KMT2C: variants seen among roughly 807,000 people sequenced by gnomAD.
The protein encoded by KMT2C is lysine methyltransferase 2C.
KMT2C carries 88 observed loss-of-function variants against 507.9 expected under a neutral mutation model. The observed-to-expected ratio is 0.17, with a 90% CI of 0.15 to 0.21. KMT2C has a LOEUF of 0.21. Among genes scored for constraint, KMT2C ranks in the 10% least tolerant of loss-of-function variants. KMT2C has a pLI of 1.00. For synonymous variants in KMT2C, 2,049 were observed against 2,080.8 expected, an observed-to-expected ratio of 0.98 and a Z score of 0.42; for missense variants, 4,954 against 5,957.8, an observed-to-expected ratio of 0.83 and a Z score of 5.55.
Position 152,176,411 on chromosome 7 carries a change from C to A in KMT2C, c.9042G>T (p.Gly3014=), listed in dbSNP as rs747377432. ...TGGTACCAGACTGACTTGTTTGAGG[C>A]CCAGTTTGAGTTGCAGGTTTTCCTG... ...LGTGKPATQT[G]PQTSQSGTSS... Residue 3014 remains glycine (G), a synonymous_variant, in exon 38 of 59, where the codon GGG becomes GGT. Transcript: ENST00000262189. 13 of 1,614,000 alleles carry A rather than the reference C, an allele frequency of 8.1e-6. No homozygotes were observed. The highest frequency in any genetic ancestry group is 1.3e-5 in the African/African-American group (1 of 74,890).
rs369032997 is a variant in KMT2C, at chr7:152,218,826, C to T, written c.3712+1697G>A. 6.1e-4 allele frequency among the ~76,000 whole-genome samples: 93 copies of T among 152,352 alleles called. No individual in the cohort carries two copies. The East Asian group carries it at 0.013, about 21-fold the overall frequency. On this transcript the variant is annotated intron_variant, in intron 23 of 58. Transcript: ENST00000262189. ...CAAACATGCTCAGCACACTCTCACC[C>T]AGAGCCTTTACATCGGCTTCCTCAC...
intron 6 of KMT2C, among the ~76,000 whole-genome samples, chr7:152,293,024 G>A (rs539635808): frequency 1.3e-5 from 2 of 152,214 alleles, no homozygotes; most frequent in East Asian, 3.9e-4. Flanking sequence ...AAGTATCTCT[G>A]CCATAGGAAG....
rs2129118075 is a variant in KMT2C at position 152,179,940 on chromosome 7, G to C, written c.7336C>G (p.Pro2446Ala). Residue 2446 changes from proline to alanine, a missense_variant, in exon 37 of 59, where the codon CCT becomes GCT. This residue lies in a region of KMT2C where 1,689 missense variants were observed against 1,654.3 expected (regional missense o/e 1.02). Transcript: ENST00000262189. ...CTAGGTCCTAAAGGAGGGGCAACAG[G>C]AGACCTAATGTTCCCAGGATAGGGA... ...PPPYPGNIRS[P>A]VAPPLGPRYA... The C allele has an allele frequency of 6.2e-7, 1 of 1,614,126 alleles. No homozygotes were observed. Among genetic ancestry groups the C allele is most frequent in the Non-Finnish European group, 8.5e-7 (1 of 1,179,988 alleles).
intron 6 of KMT2C, among the ~76,000 whole-genome samples, chr7:152,283,674 T>TG (rs1384004682): frequency 6.6e-6 from 1 of 152,162 alleles, no homozygotes; most frequent in Admixed American, 6.5e-5. Flanking sequence ...TCTGGTTGAA[T>TG]GGAATCCTTG....
intron 9 of KMT2C, among the ~76,000 whole-genome samples, chr7:152,258,000 G>A (rs548637872): frequency 6.6e-6 from 1 of 152,298 alleles, no homozygotes; most frequent in East Asian, 1.9e-4. Flanking sequence ...ACTTCTGTAA[G>A]TGTATACACA....
intron 3 of KMT2C, among the ~76,000 whole-genome samples, chr7:152,320,217 C>G (rs1293432614): frequency 6.6e-6 from 1 of 152,074 alleles, no homozygotes; most frequent in Non-Finnish European, 1.5e-5. Flanking sequence ...CAAAAAAAAT[C>G]CAAAATCCAA....
In KMT2C at chr7:152,182,459, T is replaced by A. The variant is rs1417109931; in HGVS notation, c.5401A>T (p.Thr1801Ser). 1 of 1,614,022 alleles carries A rather than the reference T, an allele frequency of 6.2e-7. No individual in the cohort carries two copies. The highest frequency in any genetic ancestry group is 8.5e-7 in the Non-Finnish European group (1 of 1,179,978). Residue 1801 changes from threonine to serine, a missense_variant, in exon 36 of 59, where the codon ACA becomes TCA. Physicochemically the swap from Thr to Ser is moderately conservative, Grantham distance 58. Around this residue, in one of 29 missense-constraint regions of KMT2C, gnomAD observed 1,689 missense variants for 1,654.3 expected, o/e 1.02. Transcript: ENST00000262189. ...QHLLVQSGSD[T>S]PSSGIQSPLT... ...GGACTCTGTATCCCACTACTTGGTGTATCTGAACCAGACTGCACCAGAAGA... is the reference window on the plus strand; with the variant it reads ...GGACTCTGTATCCCACTACTTGGTGAATCTGAACCAGACTGCACCAGAAGA...
intron 6 of KMT2C, among the ~76,000 whole-genome samples, chr7:152,309,043 TAAAA>T (rs969349768): frequency 6.6e-6 from 1 of 152,076 alleles, no homozygotes; most frequent in African/African-American, 2.4e-5. Context: ...CTGACCGAAC[TAAAA>T]AAATTTTTTT....
At chr7:152,171,531 G>C (rs780047783) in intron 39 of KMT2C, among the ~76,000 whole-genome samples, 189 bp from the exon 40 acceptor site, 1 of 152,188 alleles carries the variant, frequency 6.6e-6, no homozygotes, top group Non-Finnish European at 1.5e-5. Flanking sequence ...GTAATTCGAT[G>C]AAGTGTGCTC....
At chr7:152,367,297 T>C in intron 1 of KMT2C, 2 of 1,171,332 alleles carry the variant, frequency 1.7e-6, no homozygotes, top group Non-Finnish European at 2.5e-6. Flanking sequence ...ATTCCAAGTT[T>C]CCCAGCTGGA....
chr7:152,153,323 G>C (rs989559394), intron 48 of KMT2C, among the ~76,000 whole-genome samples: 7 of 152,108 alleles, frequency 4.6e-5, no homozygotes, highest in African/African-American at 1.7e-4. Context: ...AACAGACAAA[G>C]GTCTTGCTAC....
At chr7:152,391,227 GTTGT>G (rs1001045176) in intron 1 of KMT2C, among the ~76,000 whole-genome samples, 2 of 140,450 alleles carry the variant, frequency 1.4e-5, no homozygotes, top group East Asian at 2.2e-4. Flanking sequence ...GTTTTTTGTC[GTTGT>G]TTGTTTTTTG....
intron 1 of KMT2C, among the ~76,000 whole-genome samples, chr7:152,377,628 G>A (rs576646316): frequency 5.3e-5 from 8 of 151,608 alleles, no homozygotes; most frequent in South Asian, 2.1e-4. Flanking sequence ...CCAGATACTC[G>A]GGGGAGCTGA....
intron 2 of KMT2C, among the ~76,000 whole-genome samples, chr7:152,357,689 A>AT (rs2097163489): frequency 6.6e-6 from 1 of 152,160 alleles, no homozygotes; most frequent in East Asian, 1.9e-4. Flanking sequence ...AAAGGGTGAA[A>AT]TTTAGTATTC....
At chr7:152,308,841 A>T (rs1421928301) in intron 6 of KMT2C, among the ~76,000 whole-genome samples, 2 of 152,050 alleles carry the variant, frequency 1.3e-5, no homozygotes, top group African/African-American at 2.4e-5. Context: ...TTTAAGAAAA[A>T]AGAAAAAGAA....
At chr7:152,178,218 A>G (rs573893960) in intron 37 of KMT2C, among the ~76,000 whole-genome samples, 42 of 152,144 alleles carry the variant, frequency 2.8e-4, no homozygotes, top group Non-Finnish European at 4.9e-4. Context: ...TCCTATAATG[A>G]ACACCATATC....
At chr7:152,384,297 C>T (rs199981382) in intron 1 of KMT2C, among the ~76,000 whole-genome samples, 242 of 135,318 alleles carry the variant, frequency 1.8e-3, no homozygotes, top group Middle Eastern at 3.8e-3. Flanking sequence ...CCCATACTAC[C>T]TCTAAAGCCT....
At position 152,367,614 on chromosome 7, in the gene KMT2C, A is replaced by G. The variant is rs927465412; in HGVS notation, c.162-8939T>C. 7 of 1,370,584 alleles carry G rather than the reference A, an allele frequency of 5.1e-6. No individual in the cohort carries two copies. In the African/African-American group the frequency reaches 5.7e-5, roughly 11 times the overall value. 84.9% of individuals were successfully genotyped at this position (1,370,584 alleles called of 1,614,324 possible). A position where few individuals can be genotyped will look rare whatever the true frequency, so the allele number is the denominator to read the frequency against. ...ATCCAGGTCCTTCTCATAGAATTAA[A>G]AAGACTATACAGGTGGACAATCCAA... is the stretch of plus-strand genomic sequence containing the variant. On this transcript the variant is annotated intron_variant, in intron 1 of 58. Transcript: ENST00000262189.
intron 6 of KMT2C, among the ~76,000 whole-genome samples, chr7:152,276,373 T>G (rs2129179197): frequency 6.6e-6 from 1 of 152,278 alleles, no homozygotes; most frequent in Admixed American, 6.5e-5. Context: ...ATCAAGCAAG[T>G]TAAAATATTA....
Sources: allele counts gnomAD v4.1 joint callset (sites outside exome capture counted in the v4.1 genomes callset), GRCh38; gene constraint gnomAD v4.1.1; regional missense constraint gnomAD v4.1.1; transcripts MANE v1.5; gene names NCBI Gene and HGNC (gene_info 2026-07-23, HGNC 2026-07-21).